CEP112: variants seen among roughly 807,000 people sequenced by gnomAD.
CEP112 encodes centrosomal protein 112.
In CEP112, 127 loss-of-function variants were observed where a neutral mutation model predicts 153.0. That is an observed-to-expected ratio of 0.83 (90% CI 0.72 to 0.96). The LOEUF (loss-of-function observed/expected upper bound fraction) is 0.96, where lower values mean the gene tolerates loss of function less well. Among genes scored for constraint, CEP112 ranks in the 40% least tolerant of loss-of-function variants. The pLI is 0.00. For missense variants in CEP112, 1,089 were observed against 1,101.2 expected (o/e 0.99, Z 0.16); for synonymous variants, 358 against 374.4 (o/e 0.96, Z 0.51).
At chr17:66,093,026 C>T (rs889921762) in intron 8 of CEP112, among the ~76,000 whole-genome samples, 10 of 152,012 alleles carry the variant, frequency 6.6e-5, no homozygotes, top group African/African-American at 2.4e-4. Flanking sequence ...GAGTATTACA[C>T]AAGGGAAATA....
chr17:65,778,611 G>T (rs536109051), intron 21 of CEP112, among the ~76,000 whole-genome samples: 2 of 152,066 alleles, frequency 1.3e-5, no homozygotes, highest in African/African-American at 4.8e-5. Context: ...AAAAAAGAAG[G>T]CTGTATGGGC....
intron 12 of CEP112, among the ~76,000 whole-genome samples, chr17:66,036,214 T>C (rs1568413176): frequency 6.6e-6 from 1 of 152,086 alleles, no homozygotes; most frequent in African/African-American, 2.4e-5. Flanking sequence ...CTAGACAGAA[T>C]GGAAAATGGA....
intron 6 of CEP112, among the ~76,000 whole-genome samples, chr17:66,107,815 C>CA (rs1568497682): frequency 6.6e-6 from 1 of 151,714 alleles, no homozygotes; most frequent in Non-Finnish European, 1.5e-5. Context: ...TATATGGAAC[C>CA]AAAAAAAGAC....
At chr17:66,158,516 A>G (rs111658536) in intron 4 of CEP112, among the ~76,000 whole-genome samples, 44,216 of 151,930 alleles carry the variant, frequency 0.29, 6,609 homozygotes, top group Non-Finnish European at 0.32. Flanking sequence ...GGAGGCTGAG[A>G]CAGGAGAATG....
intron 18 of CEP112, among the ~76,000 whole-genome samples, chr17:65,928,117 G>A (rs2060995656): frequency 6.6e-6 from 1 of 152,074 alleles, no homozygotes; most frequent in Non-Finnish European, 1.5e-5. Flanking sequence ...AGTGGGCAAA[G>A]AGCCTGAATA....
chr17:65,642,232 A>G (rs1295733397), intron 24 of CEP112, among the ~76,000 whole-genome samples: 1 of 152,250 alleles, frequency 6.6e-6, no homozygotes, highest in Non-Finnish European at 1.5e-5. Flanking sequence ...TGTGCTGTGC[A>G]TGACTTAACC....
intron 8 of CEP112, among the ~76,000 whole-genome samples, chr17:66,076,422 G>GT (rs1261865349): frequency 7.9e-5 from 12 of 152,110 alleles, no homozygotes; most frequent in African/African-American, 2.9e-4. Flanking sequence ...GGTGAGAGCT[G>GT]TGACTGCCAG....
intron 4 of CEP112, among the ~76,000 whole-genome samples, chr17:66,155,417 G>A (rs2071395061): frequency 6.6e-6 from 1 of 151,912 alleles, no homozygotes; most frequent in Non-Finnish European, 1.5e-5. Flanking sequence ...ATTCCCTTAG[G>A]TGCCTACACC....
At chr17:65,918,458 G>GTT (rs150696511) in intron 19 of CEP112, among the ~76,000 whole-genome samples, 1 of 151,572 alleles carries the variant, frequency 6.6e-6, no homozygotes, top group African/African-American at 2.4e-5. Flanking sequence ...TTTGTTTTTT[G>GTT]TTTTTTTTGT....
chr17:66,028,539 A>G (rs941555432), intron 14 of CEP112, 134 bp from the exon 15 acceptor site: 2 of 432,028 alleles, frequency 4.6e-6, no homozygotes, highest in African/African-American at 4.1e-5. Context: ...AATTTGAATG[A>G]AAAATGTTTT....
intron 19 of CEP112, among the ~76,000 whole-genome samples, chr17:65,908,095 C>A (rs1316188418): frequency 2.6e-5 from 4 of 152,110 alleles, no homozygotes; most frequent in East Asian, 1.9e-4. Flanking sequence ...TGATCAAGGA[C>A]CCTGCTTAAT....
At chr17:66,096,415 C>T (rs553852516) in intron 7 of CEP112, 87 bp from the exon 8 acceptor site, 35 of 1,311,822 alleles carry the variant, frequency 2.7e-5, no homozygotes, top group East Asian at 2.3e-4. Context: ...GCCTGAGGCC[C>T]GTACCAAAAT....
At chr17:65,798,102 G>T (rs1237869507) in intron 21 of CEP112, among the ~76,000 whole-genome samples, 1 of 151,956 alleles carries the variant, frequency 6.6e-6, no homozygotes, top group Non-Finnish European at 1.5e-5. Context: ...GGTCCCTTCT[G>T]GAATCCCACT....
intron 1 of CEP112, among the ~76,000 whole-genome samples, chr17:66,185,997 A>C (rs149143158): frequency 1.3e-3 from 203 of 152,090 alleles, no homozygotes; most frequent in African/African-American, 4.7e-3. Context: ...ATTAGAGGTA[A>C]GCCAAGGTCT....
chr17:65,741,806 G>A (rs926268364), intron 23 of CEP112, among the ~76,000 whole-genome samples: 1 of 151,828 alleles, frequency 6.6e-6, no homozygotes, highest in African/African-American at 2.4e-5. Flanking sequence ...AACAAAATAT[G>A]CAATGCAGTT....
At chr17:65,836,551 T>C (rs1265941616) in intron 21 of CEP112, among the ~76,000 whole-genome samples, 3 of 152,140 alleles carry the variant, frequency 2.0e-5, no homozygotes, top group Non-Finnish European at 4.4e-5. Flanking sequence ...AAGAATGTTA[T>C]ATAACAAATA....
At chr17:66,053,320 T>A (rs1050009923) in intron 12 of CEP112, among the ~76,000 whole-genome samples, 1 of 151,714 alleles carries the variant, frequency 6.6e-6, no homozygotes. Context: ...GCCAACATGG[T>A]GAAACCCCCT....
intron 24 of CEP112, among the ~76,000 whole-genome samples, chr17:65,641,448 C>T (rs2045128147): frequency 6.6e-6 from 1 of 152,202 alleles, no homozygotes. Flanking sequence ...GAGGACAACT[C>T]ATAGCATGTC....
chr17:65,971,247 CATCAA>C (rs1419317266), intron 17 of CEP112, among the ~76,000 whole-genome samples: 2 of 151,776 alleles, frequency 1.3e-5, no homozygotes, highest in African/African-American at 2.4e-5. Flanking sequence ...AAAACATGCA[CATCAA>C]ATGCGTACTG....
Sources: allele counts gnomAD v4.1 joint callset (sites outside exome capture counted in the v4.1 genomes callset), GRCh38; gene constraint gnomAD v4.1.1; transcripts MANE v1.5; gene names NCBI Gene and HGNC (gene_info 2026-07-23, HGNC 2026-07-21).